The following SCUBE1 variants were observed in gnomAD, a reference collection of about 807,000 sequenced individuals.
SCUBE1 encodes the protein signal peptide, CUB and EGF-like domain-containing protein 1.
A neutral mutation model predicts 124.4 loss-of-function variants in SCUBE1; 59 were observed. The observed-to-expected ratio is 0.47, with a 90% CI of 0.38 to 0.59. The LOEUF (loss-of-function observed/expected upper bound fraction) is 0.59. SCUBE1 is among the 20% of genes least tolerant of loss of function. SCUBE1 has a pLI of 0.00. For synonymous variants in SCUBE1, 545 were observed against 550.9 expected (o/e 0.99, Z 0.15); for missense variants, 1,150 against 1,371.2 (o/e 0.84, Z 2.55).
At chr22:43,204,664 G>A (rs1033631374) in intron 21 of SCUBE1, among the ~76,000 whole-genome samples, 1 of 151,970 alleles carries the variant, frequency 6.6e-6, no homozygotes, top group Non-Finnish European at 1.5e-5. Flanking sequence ...TTTATTAAAG[G>A]CCAAGTGTGG....
At chr22:43,218,149 C>G (rs1457352971) in intron 15 of SCUBE1, 106 bp downstream of exon 15, 18 of 1,065,984 alleles carry the variant, frequency 1.7e-5, no homozygotes, top group Admixed American at 3.5e-5. Context: ...TCTCTCTGTC[C>G]CCTCCCCAGG....
chr22:43,334,676 T>C (rs550210618), intron 2 of SCUBE1, among the ~76,000 whole-genome samples: 15 of 147,698 alleles, frequency 1.0e-4, no homozygotes, highest in Non-Finnish European at 2.1e-4. Flanking sequence ...CCATCAACAT[T>C]ATCATCGCCA....
intron 15 of SCUBE1, among the ~76,000 whole-genome samples, chr22:43,217,910 C>T (rs956040592): frequency 4.6e-5 from 7 of 152,314 alleles, no homozygotes; most frequent in African/African-American, 9.6e-5. Flanking sequence ...TCTTAGCTAA[C>T]GTGACTTCTC....
At chr22:43,341,146 C>CG (rs552714360) in intron 1 of SCUBE1, among the ~76,000 whole-genome samples, 86 of 141,410 alleles carry the variant, frequency 6.1e-4, no homozygotes, top group South Asian at 2.8e-3. Flanking sequence ...CATTGCTTTC[C>CG]GGGGGGGGCT....
chr22:43,216,124 G>A (rs1444728947), intron 15 of SCUBE1, among the ~76,000 whole-genome samples: 3 of 151,946 alleles, frequency 2.0e-5, no homozygotes, highest in African/African-American at 7.2e-5. Context: ...TCAGCTCACT[G>A]CAACCTCTGC....
At chr22:43,333,742 G>A (rs138573804) in intron 2 of SCUBE1, among the ~76,000 whole-genome samples, 97 of 152,304 alleles carry the variant, frequency 6.4e-4, no homozygotes, top group Non-Finnish European at 1.2e-3. Context: ...CGGAACTGCC[G>A]GTTTGGGGCT....
In SCUBE1 at chr22:43,211,742, T is replaced by A. The variant is rs955662810; in HGVS notation, c.2222-659A>T. Among the ~76,000 whole-genome samples, 6 of 152,134 alleles carry A rather than the reference T, an allele frequency of 3.9e-5. No homozygotes were observed. The highest frequency in any genetic ancestry group is 5.9e-5 in the Non-Finnish European group (4 of 68,024). On this transcript the variant is annotated intron_variant, in intron 17 of 21. Coordinates refer to ENST00000360835, the MANE Select transcript of SCUBE1 (RefSeq NM_173050.5). This position sits in a 1 kb window ranked among gnomAD's most constrained non-coding sequence, Gnocchi z 4.5. ...TTTTGCCATGCTAGCCGGGCTGGCC[T>A]CAAACTTCTGACCTCAGGTGATCCA...
At chr22:43,335,990 GATA>G (rs771695135) in intron 2 of SCUBE1, among the ~76,000 whole-genome samples, 47 of 152,206 alleles carry the variant, frequency 3.1e-4, no homozygotes, top group African/African-American at 9.2e-4. Flanking sequence ...TGATGATGAT[GATA>G]ATGATGATGG....
chr22:43,331,899 C>G (rs1569034516), intron 2 of SCUBE1, among the ~76,000 whole-genome samples: 1 of 152,038 alleles, frequency 6.6e-6, no homozygotes, highest in South Asian at 2.1e-4. Flanking sequence ...AACGGAGAGG[C>G]AAGAGGAAAC....
Position 43,255,352 on chromosome 22 carries a change from C to A in SCUBE1, c.727+2867G>T. On this transcript the variant is annotated intron_variant, in intron 6 of 21. Coordinates refer to ENST00000360835, the MANE Select transcript of SCUBE1 (RefSeq NM_173050.5). This position sits in a 1 kb window ranked among gnomAD's most constrained non-coding sequence, Gnocchi z 4.7. ...GCACACCCCACAACACAGACATATGCCCCCACACGCACACGTCACACCCAC... is the reference window on the plus strand; with the variant it reads ...GCACACCCCACAACACAGACATATGACCCCACACGCACACGTCACACCCAC... 1.3e-6 allele frequency: 1 copy of A among 762,988 alleles called. No homozygotes were observed. Among genetic ancestry groups the A allele is most frequent in the East Asian group, 2.7e-5 (1 of 37,262 alleles). 47.3% of individuals were successfully genotyped at this position (762,988 alleles called of 1,614,324 possible).
chr22:43,222,732 AT>A lies in SCUBE1; in HGVS notation c.1337del (p.Asn446IlefsTer5). On this transcript the variant is annotated frameshift_variant, in exon 12 of 22. Transcript: ENST00000360835. LOFTEE classifies it high-confidence loss of function. Reference protein sequence around the residue: ...AHTLFVPDSENSYVLSCGVPG... With the variant: ...AHTLFVPDSEXSYVLSCGVPG... ...GAACTCCGCAGCTCAGGACGTAGCT[AT>A]TTTCCGAGTCTGCAGAGAAGCCGGT... The A allele has an allele frequency of 6.2e-7, 1 of 1,600,870 alleles. No homozygotes were observed.
intron 8 of SCUBE1, among the ~76,000 whole-genome samples, chr22:43,229,994 A>C (rs933868064): frequency 1.3e-5 from 2 of 152,214 alleles, no homozygotes; most frequent in African/African-American, 4.8e-5. Flanking sequence ...TAGCTCATGT[A>C]ATTTCACAAA....
At chr22:43,299,897 C>G (rs1169135311) in intron 3 of SCUBE1, among the ~76,000 whole-genome samples, 3 of 152,222 alleles carry the variant, frequency 2.0e-5, no homozygotes, top group Non-Finnish European at 4.4e-5. Flanking sequence ...CTTTGTGTGT[C>G]TGGCTTCCTT....
chr22:43,245,253 A>G (rs1923161482), intron 6 of SCUBE1, among the ~76,000 whole-genome samples: 1 of 152,194 alleles, frequency 6.6e-6, no homozygotes, highest in South Asian at 2.1e-4. Context: ...CGCCTCTGAC[A>G]GTCAGCAGGG....
At chr22:43,229,012 G>T in intron 9 of SCUBE1, 60 bp downstream of exon 9, 1 of 1,218,868 alleles carries the variant, frequency 8.2e-7, no homozygotes, top group Non-Finnish European at 1.2e-6. Context: ...CAGTGTAGGT[G>T]GCCGTGCGGC....
At chr22:43,301,062 T>C (rs118056969) in intron 3 of SCUBE1, among the ~76,000 whole-genome samples, 1 of 152,322 alleles carries the variant, frequency 6.6e-6, no homozygotes, top group African/African-American at 2.4e-5. Context: ...CAACCCACAG[T>C]TGCTTCAGGC....
chr22:43,210,162 T>C lies in SCUBE1; in HGVS notation c.2462A>G (p.Asn821Ser), dbSNP rs945306137. ...SPNYPGDYPA[N>S]AECVWHIAPP... ...CGCGATGTGCCAGACGCATTCAGCG[T>C]TGGCTGGGTAGTCGCCAGGGTAGTT... Residue 821 changes from asparagine to serine, a missense_variant, in exon 19 of 22, where the codon AAC becomes AGC. Coordinates refer to ENST00000360835, the MANE Select transcript of SCUBE1 (RefSeq NM_173050.5). This position sits in a 1 kb window ranked among gnomAD's most constrained non-coding sequence, Gnocchi z 4.5. The C allele has an allele frequency of 6.2e-7, 1 of 1,609,530 alleles. No individual in the cohort carries two copies. Among genetic ancestry groups the C allele is most frequent in the South Asian group, 1.1e-5 (1 of 90,678 alleles).
Position 43,246,822 on chromosome 22 carries a change from G to A in SCUBE1, c.728-7868C>T, listed in dbSNP as rs528049731. Among the ~76,000 whole-genome samples, 5 of 152,304 alleles carry A rather than the reference G, an allele frequency of 3.3e-5. No individual in the cohort carries two copies. In the East Asian group the frequency reaches 7.7e-4, roughly 23 times the overall value. Reference sequence around the variant, plus strand: ...CACCTCTGCTTTCAGGTGGGCCTCCGGCAGTGATGTGCTCCCCACTCCCAC... The same window carrying A: ...CACCTCTGCTTTCAGGTGGGCCTCCAGCAGTGATGTGCTCCCCACTCCCAC... On this transcript the variant is annotated intron_variant, in intron 6 of 21. Transcript: ENST00000360835.
intron 3 of SCUBE1, among the ~76,000 whole-genome samples, chr22:43,312,360 A>G (rs894036378): frequency 6.6e-6 from 1 of 152,184 alleles, no homozygotes; most frequent in Non-Finnish European, 1.5e-5. Flanking sequence ...TGGGGCTTGA[A>G]GGATGAGCAG....
Sources: allele counts gnomAD v4.1 joint callset (sites outside exome capture counted in the v4.1 genomes callset), GRCh38; gene constraint gnomAD v4.1.1; non-coding constraint Gnocchi (gnomAD v3.1); transcripts MANE v1.5; gene names NCBI Gene and HGNC (gene_info 2026-07-23, HGNC 2026-07-21).